Variants in CSMD3 observed in about 807,000 individuals in gnomAD.
CSMD3 encodes CUB and sushi domain-containing protein 3.
CSMD3 carries 177 observed loss-of-function variants against 435.2 expected under a neutral mutation model. The ratio of observed to expected loss-of-function variants is 0.41; its 90% confidence interval spans 0.36 to 0.46. CSMD3 has a LOEUF of 0.46. CSMD3 is among the 20% of genes least tolerant of loss of function. The pLI is 0.34. For missense variants in CSMD3, 4,265 were observed against 4,504.6 expected, an observed-to-expected ratio of 0.95 and a Z score of 1.52; for synonymous variants, 1,656 against 1,520.5, an observed-to-expected ratio of 1.09 and a Z score of -2.07.
chr8:113,433,633 C>A (rs1249961907), intron 1 of CSMD3, among the ~76,000 whole-genome samples: 2 of 152,194 alleles, frequency 1.3e-5, no homozygotes, highest in East Asian at 3.9e-4. Context: ...GACGCCGCAC[C>A]CGGTCTCCCA....
intron 9 of CSMD3, among the ~76,000 whole-genome samples, chr8:112,925,570 T>C (rs944297713): frequency 6.6e-6 from 1 of 151,482 alleles, no homozygotes; most frequent in Non-Finnish European, 1.5e-5. Flanking sequence ...AAAAATTAAA[T>C]ATTTTCATCT....
At chr8:113,127,858 T>C (rs1199302657) in intron 4 of CSMD3, among the ~76,000 whole-genome samples, 2 of 152,104 alleles carry the variant, frequency 1.3e-5, no homozygotes, top group Admixed American at 6.6e-5. Flanking sequence ...GCCTCACTTA[T>C]TTTGCTAGCA....
intron 1 of CSMD3, among the ~76,000 whole-genome samples, chr8:113,413,600 C>T (rs561575701): frequency 3.8e-4 from 57 of 152,000 alleles, no homozygotes; most frequent in Non-Finnish European, 5.0e-4. Context: ...GATGATTATC[C>T]GAAATGACTA....
At chr8:113,201,558 C>G (rs989188870) in intron 3 of CSMD3, among the ~76,000 whole-genome samples, 1 of 151,876 alleles carries the variant, frequency 6.6e-6, no homozygotes, top group Admixed American at 6.6e-5. Context: ...AAATACAAAA[C>G]TTGTGCATTC....
chr8:112,794,287 T>G (rs2078768643), intron 13 of CSMD3, among the ~76,000 whole-genome samples: 1 of 82,480 alleles, frequency 1.2e-5, no homozygotes, highest in African/African-American at 4.3e-5. Context: ...CTGATAAACT[T>G]TTTTTTTTTT....
chr8:113,222,897 G>A lies in CSMD3; in HGVS notation c.515-48981C>T, dbSNP rs180750994. Among the ~76,000 whole-genome samples, 117 of 150,772 alleles carry A rather than the reference G, an allele frequency of 7.8e-4. No individual in the cohort carries two copies. In the East Asian group the frequency reaches 8.4e-3, roughly 11 times the overall value. On this transcript the variant is annotated intron_variant, in intron 3 of 70. Coordinates refer to ENST00000297405, the MANE Select transcript of CSMD3 (RefSeq NM_198123.2). ...TTCTGAATTTTCACATGATATTTCG[G>A]CTTATTTTGTTTTTTGCAAGTTTGT... is the stretch of plus-strand genomic sequence containing the variant.
At chr8:112,871,503 A>G (rs901793550) in intron 10 of CSMD3, among the ~76,000 whole-genome samples, 1 of 152,164 alleles carries the variant, frequency 6.6e-6, no homozygotes, top group Non-Finnish European at 1.5e-5. Context: ...GAAATGGAAA[A>G]ATAGGAAAAG....
At chr8:112,261,070 A>G (rs987283916) in intron 61 of CSMD3, among the ~76,000 whole-genome samples, 4 of 152,064 alleles carry the variant, frequency 2.6e-5, no homozygotes, top group African/African-American at 4.8e-5. Flanking sequence ...CTCATGCTCA[A>G]TCTAACTTGT....
In CSMD3 at chr8:112,650,364, G is replaced by C. The variant is rs2131633770; in HGVS notation, c.3005-15C>G. 1.9e-6 allele frequency: 3 copies of C among 1,604,474 alleles called. No homozygotes were observed. Among genetic ancestry groups the C allele is most frequent in the Non-Finnish European group, 2.6e-6 (3 of 1,171,352 alleles). ...CACTGTAACACCTGGAAAACAAAGG[G>C]AAGAAAATAAAGAGTAAGCTTGGTG... On this transcript the variant is annotated splice_polypyrimidine_tract_variant and intron_variant, in intron 18 of 70. Transcript: ENST00000297405.
intron 10 of CSMD3, among the ~76,000 whole-genome samples, chr8:112,918,772 T>C (rs937719036): frequency 2.0e-5 from 3 of 152,004 alleles, no homozygotes; most frequent in African/African-American, 7.2e-5. Context: ...ATTTGCTGTC[T>C]GTGTGAACTT....
At chr8:112,446,681 T>C (rs759400578) in intron 32 of CSMD3, among the ~76,000 whole-genome samples, 2 of 152,210 alleles carry the variant, frequency 1.3e-5, no homozygotes, top group Non-Finnish European at 2.9e-5. Context: ...TTCAATATGT[T>C]CATATAGCAC....
chr8:112,914,557 TGTC>T (rs2082520994), intron 10 of CSMD3, among the ~76,000 whole-genome samples: 1 of 151,424 alleles, frequency 6.6e-6, no homozygotes, highest in Admixed American at 6.6e-5. Context: ...TCTGCCAAAA[TGTC>T]ATAAATTCTG....
chr8:112,629,160 G>A (rs1443847419), intron 22 of CSMD3, among the ~76,000 whole-genome samples: 2 of 152,072 alleles, frequency 1.3e-5, no homozygotes, highest in East Asian at 3.9e-4. Context: ...GGCTGCTTCA[G>A]CAACTAAACA....
chr8:113,354,235 G>C (rs2094207353), intron 1 of CSMD3, among the ~76,000 whole-genome samples: 1 of 151,966 alleles, frequency 6.6e-6, no homozygotes, highest in Non-Finnish European at 1.5e-5. Flanking sequence ...ATTTCAACAG[G>C]GCAGTGTTCA....
At position 112,497,490 on chromosome 8, in the gene CSMD3, T is replaced by C. The variant is rs992030340; in HGVS notation, c.5084-4807A>G. 2.0e-5 allele frequency among the ~76,000 whole-genome samples: 3 copies of C among 150,286 alleles called. No individual in the cohort carries two copies. The East Asian group carries it at 5.8e-4, about 29-fold the overall frequency. On this transcript the variant is annotated intron_variant, in intron 30 of 70. Transcript: ENST00000297405. ...CTCATGTACTCCATAAATATATATA[T>C]ATATATATATATACCTACTATGAAC...
At chr8:112,640,636 C>T (rs1041248568) in intron 20 of CSMD3, among the ~76,000 whole-genome samples, 2 of 151,348 alleles carry the variant, frequency 1.3e-5, no homozygotes, top group African/African-American at 4.9e-5. Flanking sequence ...AATACAAGAG[C>T]CCTTTTAGAG....
At chr8:113,248,187 G>A (rs2093295894) in intron 3 of CSMD3, among the ~76,000 whole-genome samples, 1 of 151,772 alleles carries the variant, frequency 6.6e-6, no homozygotes, top group African/African-American at 2.4e-5. Context: ...AGCATAAATT[G>A]TTCTTCTGAA....
intron 22 of CSMD3, among the ~76,000 whole-genome samples, chr8:112,589,641 T>C (rs1831012214): frequency 6.6e-6 from 1 of 152,168 alleles, no homozygotes; most frequent in African/African-American, 2.4e-5. Flanking sequence ...ACTGAGAAGA[T>C]AAGTGTTGGC....
chr8:113,308,421 A>C (rs986027418), intron 2 of CSMD3, among the ~76,000 whole-genome samples: 2 of 151,122 alleles, frequency 1.3e-5, no homozygotes, highest in African/African-American at 4.9e-5. Flanking sequence ...GGCGCCCAAC[A>C]CCACGCCCGG....
Sources: gnomAD v4.1 joint callset for allele counts (sites outside exome capture counted in the v4.1 genomes callset) on GRCh38, gnomAD v4.1.1 for gene constraint, MANE v1.5 for transcripts, NCBI Gene and HGNC (gene_info 2026-07-23, HGNC 2026-07-21) for gene names.